GRM8: variants seen among roughly 807,000 people sequenced by gnomAD.
The protein encoded by GRM8 is glutamate metabotropic receptor 8.
GRM8 carries 47 observed loss-of-function variants against 87.2 expected under a neutral mutation model. The ratio of observed to expected loss-of-function variants is 0.54; its 90% CI spans 0.43 to 0.69. The LOEUF (loss-of-function observed/expected upper bound fraction) is 0.69, where lower values mean the gene tolerates loss of function less well. Among genes scored for constraint, GRM8 ranks in the 30% least tolerant of loss-of-function variants. The pLI is 0.00. For synonymous variants in GRM8, 396 were observed against 404.5 expected, an observed-to-expected ratio of 0.98 and a Z score of 0.25; for missense variants, 1,019 against 1,139.2, an observed-to-expected ratio of 0.89 and a Z score of 1.52.
At chr7:126,812,037 C>G (rs1306448591) in intron 6 of GRM8, among the ~76,000 whole-genome samples, 2 of 151,748 alleles carry the variant, frequency 1.3e-5, no homozygotes. Context: ...ATGCATTATT[C>G]TGGTGAAGGA....
chr7:126,591,767 A>G (rs945281001), intron 8 of GRM8, among the ~76,000 whole-genome samples: 3 of 150,076 alleles, frequency 2.0e-5, no homozygotes, highest in Admixed American at 6.6e-5. Context: ...GAAGGAAGGA[A>G]AAAAAAAAGA....
At chr7:126,820,761 A>G (rs1794221409) in intron 6 of GRM8, among the ~76,000 whole-genome samples, 1 of 152,064 alleles carries the variant, frequency 6.6e-6, no homozygotes, top group Non-Finnish European at 1.5e-5. Flanking sequence ...CAACCCTGCC[A>G]TCTTCCTCCT....
intron 6 of GRM8, among the ~76,000 whole-genome samples, chr7:126,881,981 G>T (rs905754818): frequency 8.7e-4 from 133 of 152,194 alleles, no homozygotes; most frequent in African/African-American, 3.1e-3. Flanking sequence ...CTTTGTTGCT[G>T]ACCTCTAAAC....
intron 3 of GRM8, chr7:127,105,291 C>A (rs1825704548): frequency 6.6e-6 from 1 of 152,212 alleles, no homozygotes; most frequent in African/African-American, 2.4e-5. Flanking sequence ...ATAATGCACA[C>A]TTACAGCAGG....
chr7:126,456,777 C>T lies in GRM8; in HGVS notation c.2431-10405G>A, dbSNP rs565129940. On this transcript the variant is annotated intron_variant, in intron 9 of 10. Coordinates refer to ENST00000339582, the MANE Select transcript of GRM8 (RefSeq NM_000845.3). Reference sequence around the variant, plus strand: ...GTCTTGATATATATATTTCAATTGCCGACTAGTAGAAAATTGAAGCTTCTC... The same window carrying T: ...GTCTTGATATATATATTTCAATTGCTGACTAGTAGAAAATTGAAGCTTCTC... Among the ~76,000 whole-genome samples the T allele has an allele frequency of 1.5e-4, 22 of 151,340 alleles. No individual in the cohort carries two copies. In the South Asian group the frequency reaches 3.3e-3, roughly 23 times the overall value.
chr7:127,130,373 G>T (rs536472870), intron 2 of GRM8, among the ~76,000 whole-genome samples: 32 of 152,272 alleles, frequency 2.1e-4, no homozygotes, highest in African/African-American at 7.2e-4. Context: ...GGAGACAGAA[G>T]AATGTTTAGA....
intron 6 of GRM8, among the ~76,000 whole-genome samples, chr7:126,882,502 G>T (rs1208182461): frequency 1.3e-5 from 2 of 151,794 alleles, no homozygotes; most frequent in African/African-American, 4.8e-5. Flanking sequence ...GAATACTAGG[G>T]ATAACCTATA....
At chr7:126,874,542 A>T (rs1799378841) in intron 6 of GRM8, among the ~76,000 whole-genome samples, 1 of 152,038 alleles carries the variant, frequency 6.6e-6, no homozygotes. Flanking sequence ...TGCCATACTG[A>T]CATTTTACTT....
Position 126,533,869 on chromosome 7 carries a change from C to T in GRM8, c.1513G>A (p.Ala505Thr). Reference sequence around the variant, plus strand: ...GCCGGGTGAGTATGTTCTCTATGAGCCCACTGCATGTCTTCCACCTGTGGG... The same window carrying T: ...GCCGGGTGAGTATGTTCTCTATGAGTCCACTGCATGTCTTCCACCTGTGGG... ...LHLKVEDMQW[A>T]HREHTHPASV... The change falls in exon 9 of 11, where the codon GCT becomes ACT. Residue 505 changes from alanine (A) to threonine (T), a missense_variant. By Grantham distance (58) the Ala-to-Thr change is moderately conservative (BLOSUM62 0). Transcript: ENST00000339582. 1 of 1,612,646 alleles carries T rather than the reference C, an allele frequency of 6.2e-7. No homozygotes were observed. Among genetic ancestry groups the T allele is most frequent in the Non-Finnish European group, 8.5e-7 (1 of 1,179,106 alleles).
At chr7:126,674,366 G>T (rs1806714660) in intron 7 of GRM8, among the ~76,000 whole-genome samples, 1 of 152,260 alleles carries the variant, frequency 6.6e-6, no homozygotes, top group South Asian at 2.1e-4. Context: ...AGGGTACATT[G>T]TCTTCCCTTC....
rs1040208158 is a variant in GRM8 at position 126,473,033 on chromosome 7, G to A, written c.2431-26661C>T. Reference sequence around the variant, plus strand: ...CAGGCAGAGGTGTGCTGCAGGGATGGAGCCCTCCTAGAGAACCTCTGCTAA... The same window carrying A: ...CAGGCAGAGGTGTGCTGCAGGGATGAAGCCCTCCTAGAGAACCTCTGCTAA... On this transcript the variant is annotated intron_variant, in intron 9 of 10. Transcript: ENST00000339582. Among the ~76,000 whole-genome samples the A allele has an allele frequency of 2.0e-5, 3 of 152,168 alleles. No homozygotes were observed. In the East Asian group the frequency reaches 5.8e-4, roughly 29 times the overall value.
At chr7:127,189,417 G>A (rs1363772590) in intron 2 of GRM8, among the ~76,000 whole-genome samples, 3 of 152,134 alleles carry the variant, frequency 2.0e-5, no homozygotes, top group Admixed American at 6.5e-5. Flanking sequence ...GCCCTGTACA[G>A]CAGGTCCAGT....
At chr7:127,061,972 C>A (rs1365618535) in intron 3 of GRM8, among the ~76,000 whole-genome samples, 1 of 151,946 alleles carries the variant, frequency 6.6e-6, no homozygotes, top group East Asian at 1.9e-4. Flanking sequence ...GCTGGATCAT[C>A]CAAAATTTCC....
intron 6 of GRM8, among the ~76,000 whole-genome samples, chr7:126,893,357 C>T (rs1801248346): frequency 1.3e-5 from 2 of 151,946 alleles, no homozygotes; most frequent in Non-Finnish European, 2.9e-5. Flanking sequence ...AAATTAGCAT[C>T]GCAGTCAGGA....
rs1351912738 is a variant in GRM8, at chr7:126,533,214, A to G, written c.2168T>C (p.Ile723Thr). 4.3e-6 allele frequency: 7 copies of G among 1,613,110 alleles called. No individual in the cohort carries two copies. Among genetic ancestry groups the G allele is most frequent in the East Asian group, 2.2e-5 (1 of 44,788 alleles). ...TAGTGTCCGCTGCTCTCCATAGTCA[A>G]TGATGATGTGGGGGGGATCCACAAC... is the stretch of plus-strand genomic sequence containing the variant. Reference protein sequence around the residue: ...WFVVDPPHIIIDYGEQRTLDP... With the variant: ...WFVVDPPHIITDYGEQRTLDP... Residue 723 changes from isoleucine (I) to threonine (T), a missense_variant, in exon 9 of 11, where the codon ATT becomes ACT. Ile to Thr is a moderately conservative substitution (Grantham distance 89). Transcript: ENST00000339582.
intron 9 of GRM8, among the ~76,000 whole-genome samples, chr7:126,468,710 C>G (rs1355853317): frequency 6.6e-6 from 1 of 152,128 alleles, no homozygotes; most frequent in Non-Finnish European, 1.5e-5. Flanking sequence ...AAATCTAACT[C>G]ACTGATACTT....
chr7:126,924,381 G>A (rs1257822794), intron 3 of GRM8, among the ~76,000 whole-genome samples: 6 of 152,184 alleles, frequency 3.9e-5, no homozygotes, highest in Admixed American at 3.3e-4. Flanking sequence ...AAGATGTTAA[G>A]TTATTTTCCT....
At chr7:126,631,669 C>T (rs965490542) in intron 7 of GRM8, among the ~76,000 whole-genome samples, 19 of 152,258 alleles carry the variant, frequency 1.2e-4, no homozygotes, top group African/African-American at 4.6e-4. Flanking sequence ...TAGCACGGTA[C>T]TGGTACAAAA....
At chr7:126,911,033 T>A (rs13308520) in intron 3 of GRM8, among the ~76,000 whole-genome samples, 1 of 152,230 alleles carries the variant, frequency 6.6e-6, no homozygotes, top group African/African-American at 2.4e-5. Flanking sequence ...CAATGTAGCA[T>A]ATTATTATTA....
Sources: gnomAD v4.1 joint callset for allele counts (sites outside exome capture counted in the v4.1 genomes callset) on GRCh38, gnomAD v4.1.1 for gene constraint, MANE v1.5 for transcripts, NCBI Gene and HGNC (gene_info 2026-07-23, HGNC 2026-07-21) for gene names.